DLG2: variants seen among roughly 807,000 people sequenced by gnomAD.
DLG2 encodes discs large MAGUK scaffold protein 2.
Under a neutral mutation model 132.5 loss-of-function variants are expected in DLG2, and 45 were observed. The observed-to-expected ratio is 0.34, with a 90% CI of 0.27 to 0.44. DLG2 has a LOEUF of 0.44. Ranked by LOEUF, DLG2 falls within the 20% of genes least tolerant of loss-of-function variation. The pLI, the probability that DLG2 is intolerant of heterozygous loss-of-function variation, is 1.00. For synonymous variants in DLG2, 424 were observed against 419.6 expected (o/e 1.01, Z -0.13); for missense variants, 1,045 against 1,196.9 (o/e 0.87, Z 1.87).
At chr11:84,757,169 T>C (rs1237859968) in intron 6 of DLG2, among the ~76,000 whole-genome samples, 1 of 152,118 alleles carries the variant, frequency 6.6e-6, no homozygotes, top group African/African-American at 2.4e-5. Context: ...AAGGACTCAG[T>C]GTGGTCCTTG....
At chr11:83,932,879 T>C (rs964091385) in intron 14 of DLG2, among the ~76,000 whole-genome samples, 3 of 152,138 alleles carry the variant, frequency 2.0e-5, no homozygotes, top group African/African-American at 7.2e-5. Flanking sequence ...AAGTACTTAA[T>C]TATAGCATGT....
At chr11:85,146,987 T>C (rs1008959635) in intron 5 of DLG2, among the ~76,000 whole-genome samples, 1 of 152,196 alleles carries the variant, frequency 6.6e-6, no homozygotes, top group Non-Finnish European at 1.5e-5. Flanking sequence ...TATGTTGTAT[T>C]CTGCTGTGAG....
intron 19 of DLG2, among the ~76,000 whole-genome samples, chr11:83,581,768 G>A (rs1255523248): frequency 6.6e-6 from 1 of 152,074 alleles, no homozygotes; most frequent in African/African-American, 2.4e-5. Flanking sequence ...GGAGATTTGA[G>A]GAAATACCTA....
At chr11:83,739,594 G>A (rs1164202191) in intron 18 of DLG2, among the ~76,000 whole-genome samples, 2 of 152,088 alleles carry the variant, frequency 1.3e-5, no homozygotes, top group Non-Finnish European at 2.9e-5. Flanking sequence ...TATAAAAAAA[G>A]AGTTCAGCCT....
At chr11:85,459,772 C>G (rs1048737766) in intron 3 of DLG2, among the ~76,000 whole-genome samples, 49 of 152,114 alleles carry the variant, frequency 3.2e-4, no homozygotes, top group Non-Finnish European at 4.9e-4. Context: ...TCTGGGATTT[C>G]CTCCTCAGAG....
At chr11:84,152,761 A>T (rs1032943316) in intron 9 of DLG2, among the ~76,000 whole-genome samples, 3 of 152,098 alleles carry the variant, frequency 2.0e-5, no homozygotes, top group African/African-American at 7.2e-5. Context: ...CATTATATGT[A>T]AGACAGGTCT....
chr11:85,542,448 A>G (rs2076032545), intron 3 of DLG2, among the ~76,000 whole-genome samples: 1 of 152,350 alleles, frequency 6.6e-6, no homozygotes, highest in South Asian at 2.1e-4. Flanking sequence ...CTTTGAAGAT[A>G]AAATAGGACA....
At chr11:84,926,145 AC>A (rs1212490293) in intron 6 of DLG2, among the ~76,000 whole-genome samples, 1 of 152,144 alleles carries the variant, frequency 6.6e-6, no homozygotes, top group Admixed American at 6.5e-5. Flanking sequence ...GTAGCAATTC[AC>A]AAAAAGACCA....
At chr11:84,565,184 G>A (rs2099447758) in intron 6 of DLG2, among the ~76,000 whole-genome samples, 1 of 152,108 alleles carries the variant, frequency 6.6e-6, no homozygotes, top group Non-Finnish European at 1.5e-5. Flanking sequence ...CATATACACA[G>A]GTGTAAATAG....
intron 11 of DLG2, among the ~76,000 whole-genome samples, chr11:84,008,993 C>G (rs2094730216): frequency 1.3e-5 from 2 of 151,402 alleles, no homozygotes; most frequent in South Asian, 4.2e-4. Context: ...CAAACTACCT[C>G]TCTTCTTGAT....
intron 15 of DLG2, among the ~76,000 whole-genome samples, chr11:83,901,952 CAATT>C (rs761842828): frequency 3.3e-5 from 5 of 152,096 alleles, no homozygotes; most frequent in African/African-American, 1.2e-4. Flanking sequence ...AGTAGGTACT[CAATT>C]AATCACTAAA....
chr11:84,012,817 G>C (rs538009945), intron 11 of DLG2, among the ~76,000 whole-genome samples: 1 of 152,204 alleles, frequency 6.6e-6, no homozygotes, highest in South Asian at 2.1e-4. Context: ...GGATCTCGGG[G>C]TTAATCTAAT....
chr11:83,987,156 T>C (rs2093382469), intron 11 of DLG2, among the ~76,000 whole-genome samples: 1 of 152,094 alleles, frequency 6.6e-6, no homozygotes, highest in Non-Finnish European at 1.5e-5. Context: ...GAAGGACCTC[T>C]TCAAGGAGAA....
At chr11:85,406,108 C>A (rs2088703927) in intron 3 of DLG2, among the ~76,000 whole-genome samples, 2 of 151,752 alleles carry the variant, frequency 1.3e-5, no homozygotes, top group African/African-American at 4.8e-5. Flanking sequence ...ATTATAGAGT[C>A]ACACAACTTA....
intron 16 of DLG2, among the ~76,000 whole-genome samples, chr11:83,837,723 C>CAAAAAAAAATAAAAAAAAA (rs2056580647): frequency 2.2e-5 from 1 of 45,948 alleles, no homozygotes; most frequent in Non-Finnish European, 3.6e-5. Flanking sequence ...ACATAGCAAG[C>CAAAAAAAAATAAAAAAAAA]AAAAAAAAAA....
In DLG2 at chr11:84,013,862, G is replaced by A. The variant is rs550497352; in HGVS notation, c.920-33220C>T. Among the ~76,000 whole-genome samples the A allele has an allele frequency of 2.5e-4, 15 of 59,812 alleles. No individual in the cohort carries two copies. In the South Asian group the frequency reaches 6.6e-3, roughly 26 times the overall value. The allele number at this position is 59,812 out of a possible 152,430, so 39.2% of individuals were successfully genotyped here. A position where few individuals can be genotyped will look rare whatever the true frequency, so the allele number is the denominator to read the frequency against. ...AACCTGGGTGACAGAGTGGGACTGC[G>A]TCTCAAAAAAAAAAAAAAAAAAAAA... On this transcript the variant is annotated intron_variant, in intron 11 of 27. Coordinates refer to ENST00000376104, the MANE Select transcript of DLG2 (RefSeq NM_001142699.3).
intron 16 of DLG2, among the ~76,000 whole-genome samples, chr11:83,859,905 T>C (rs1224758835): frequency 6.6e-6 from 1 of 152,130 alleles, no homozygotes; most frequent in Non-Finnish European, 1.5e-5. Context: ...ACTCCAACCA[T>C]GACTAAAAGG....
At chr11:85,407,240 A>G (rs1432453517) in intron 3 of DLG2, among the ~76,000 whole-genome samples, 1 of 151,930 alleles carries the variant, frequency 6.6e-6, no homozygotes, top group African/African-American at 2.4e-5. Flanking sequence ...CAAAATTTTT[A>G]GCAGAGAAGA....
At chr11:85,106,578 A>G (rs1338040253) in intron 6 of DLG2, among the ~76,000 whole-genome samples, 1 of 151,934 alleles carries the variant, frequency 6.6e-6, no homozygotes, top group East Asian at 1.9e-4. Flanking sequence ...TCCCTTCTGG[A>G]ATGACCTATC....
Sources: gnomAD v4.1 joint callset for allele counts (sites outside exome capture counted in the v4.1 genomes callset) on GRCh38, gnomAD v4.1.1 for gene constraint, MANE v1.5 for transcripts, NCBI Gene and HGNC (gene_info 2026-07-23, HGNC 2026-07-21) for gene names.